CDH18: variants seen among roughly 807,000 people sequenced by gnomAD.
CDH18 encodes cadherin 18.
A neutral mutation model predicts 67.9 loss-of-function variants in CDH18; 31 were observed. The ratio of observed to expected loss-of-function variants is 0.46; its 90% CI spans 0.34 to 0.62. The LOEUF is 0.62. Ranked by LOEUF, CDH18 falls within the 20% of genes least tolerant of loss-of-function variation. The pLI is 0.01. For missense variants in CDH18, 890 were observed against 975.5 expected (o/e 0.91, Z 1.17); for synonymous variants, 362 against 347.2 (o/e 1.04, Z -0.48).
intron 7 of CDH18, among the ~76,000 whole-genome samples, chr5:19,581,197 C>G (rs1300183570): frequency 3.3e-5 from 5 of 151,956 alleles, no homozygotes; most frequent in Non-Finnish European, 7.4e-5. Flanking sequence ...AATTTAACAG[C>G]TTACTGTCAA....
At chr5:19,590,592 C>T (rs1744957459) in intron 7 of CDH18, among the ~76,000 whole-genome samples, 1 of 151,960 alleles carries the variant, frequency 6.6e-6, no homozygotes, top group South Asian at 2.1e-4. Flanking sequence ...AATATCTCAG[C>T]CTGTTATCTA....
At chr5:20,466,454 T>C (rs1751639295) in intron 1 of CDH18, among the ~76,000 whole-genome samples, 1 of 152,088 alleles carries the variant, frequency 6.6e-6, no homozygotes, top group Non-Finnish European at 1.5e-5. Flanking sequence ...AAATAAATTA[T>C]GTATTAGAAT....
At chr5:19,741,125 C>A (rs1353592511) in intron 4 of CDH18, among the ~76,000 whole-genome samples, 1 of 115,246 alleles carries the variant, frequency 8.7e-6, no homozygotes, top group Admixed American at 1.0e-4. Flanking sequence ...TATATGTATA[C>A]ATGTAAATAT....
chr5:20,529,075 C>A lies in CDH18; in HGVS notation c.-580+46387G>T, dbSNP rs547654080. On this transcript the variant is annotated intron_variant, in intron 1 of 14. Coordinates refer to the CDH18 transcript ENST00000507958. ...TGATAAGGGGGATAACACCACTGAC[C>A]CCACAGAAATACAAACAACATCAGA... is the stretch of plus-strand genomic sequence containing the variant. 2.0e-5 allele frequency among the ~76,000 whole-genome samples: 3 copies of A among 151,896 alleles called. No homozygotes were observed. The East Asian group carries it at 5.8e-4, about 29-fold the overall frequency.
intron 2 of CDH18, among the ~76,000 whole-genome samples, chr5:20,177,322 T>C (rs1201685499): frequency 1.3e-5 from 2 of 152,102 alleles, no homozygotes; most frequent in African/African-American, 4.8e-5. Context: ...CTAAGCCTTA[T>C]TATCATGGCA....
intron 1 of CDH18, among the ~76,000 whole-genome samples, chr5:20,357,240 C>T (rs1307253995): frequency 6.6e-6 from 1 of 151,894 alleles, no homozygotes. Context: ...CATGATTAAA[C>T]TATTTAACAG....
intron 1 of CDH18, among the ~76,000 whole-genome samples, chr5:20,354,070 G>A (rs1741412926): frequency 6.6e-6 from 1 of 152,146 alleles, no homozygotes. Context: ...TTTATTGGAA[G>A]CTAAAGCAGC....
chr5:20,306,213 CTG>C (rs1272835246), intron 1 of CDH18, among the ~76,000 whole-genome samples: 1 of 152,130 alleles, frequency 6.6e-6, no homozygotes, highest in Non-Finnish European at 1.5e-5. Flanking sequence ...ATAAATTACT[CTG>C]TTTCATTCTG....
chr5:19,949,219 G>A (rs1795557879), intron 2 of CDH18, among the ~76,000 whole-genome samples: 1 of 151,988 alleles, frequency 6.6e-6, no homozygotes, highest in South Asian at 2.1e-4. Context: ...TGCTTGATCT[G>A]GTACTTAGAT....
At chr5:19,989,053 G>A (rs1799822147), upstream of CDH18, among the ~76,000 whole-genome samples, 1 of 152,020 alleles carries the variant, frequency 6.6e-6, no homozygotes, top group African/African-American at 2.4e-5. Flanking sequence ...TTGATAACAG[G>A]GATTTAAGGT....
At chr5:19,839,681 A>G (rs1782057026) in intron 2 of CDH18, among the ~76,000 whole-genome samples, 1 of 152,192 alleles carries the variant, frequency 6.6e-6, no homozygotes, top group African/African-American at 2.4e-5. Context: ...AAAAGAATGC[A>G]ACTTAAAATT....
chr5:20,174,225 T>C (rs1169610230), intron 2 of CDH18, among the ~76,000 whole-genome samples: 1 of 152,202 alleles, frequency 6.6e-6, no homozygotes, highest in Non-Finnish European at 1.5e-5. Flanking sequence ...TTATTAAGTG[T>C]TTTAATTTTA....
At chr5:19,959,803 C>T (rs1393984828) in intron 2 of CDH18, among the ~76,000 whole-genome samples, 2 of 152,018 alleles carry the variant, frequency 1.3e-5, no homozygotes, top group Admixed American at 6.6e-5. Flanking sequence ...TTACACAAAC[C>T]TAGAGGGGAT....
rs75895600 is a variant in CDH18, at chr5:19,838,504, A to T, written c.228+255T>A. Among the ~76,000 whole-genome samples, 15 of 152,346 alleles carry T rather than the reference A, an allele frequency of 9.8e-5. No individual in the cohort carries two copies. In the East Asian group the frequency reaches 2.7e-3, roughly 27 times the overall value. ...ACTTACAAGAGAGAACAGAAAAAGT[A>T]ATATGCTTGTTATGAATATGCAGTC... On this transcript the variant is annotated intron_variant, in intron 3 of 12. Coordinates refer to ENST00000382275, the MANE Select transcript of CDH18 (RefSeq NM_004934.5).
At chr5:20,163,709 T>A (rs537547857) in intron 2 of CDH18, among the ~76,000 whole-genome samples, 11 of 152,220 alleles carry the variant, frequency 7.2e-5, no homozygotes, top group African/African-American at 2.6e-4. Flanking sequence ...GAGAAAGAAG[T>A]GAGTATGAAG....
intron 5 of CDH18, among the ~76,000 whole-genome samples, chr5:19,617,607 C>A (rs1045728736): frequency 2.0e-5 from 3 of 152,206 alleles, no homozygotes; most frequent in African/African-American, 7.2e-5. Context: ...AAAGGCTTCA[C>A]TGGCAATGTT....
chr5:20,191,452 G>C (rs1477637702), intron 2 of CDH18, among the ~76,000 whole-genome samples: 1 of 151,710 alleles, frequency 6.6e-6, no homozygotes. Context: ...TGTTACATTG[G>C]TATTTGTGTG....
intron 5 of CDH18, among the ~76,000 whole-genome samples, chr5:19,681,821 A>T (rs977007040): frequency 1.5e-4 from 22 of 151,338 alleles, no homozygotes; most frequent in Non-Finnish European, 2.1e-4. Flanking sequence ...GTCATATCAT[A>T]AAAAAAATCT....
chr5:19,929,845 T>C (rs1793485075), intron 2 of CDH18, among the ~76,000 whole-genome samples: 1 of 152,146 alleles, frequency 6.6e-6, no homozygotes. Flanking sequence ...TCATTTTATA[T>C]TCATAAATGG....
Sources: allele counts gnomAD v4.1 joint callset (sites outside exome capture counted in the v4.1 genomes callset), GRCh38; gene constraint gnomAD v4.1.1; transcripts MANE v1.5; gene names NCBI Gene and HGNC (gene_info 2026-07-23, HGNC 2026-07-21).